Variants in PABPC4L observed in about 807,000 individuals in gnomAD.
The protein encoded by PABPC4L is polyadenylate-binding protein 4-like.
For missense variants in PABPC4L, 452 were observed against 451.4 expected (o/e 1.00, Z -0.01); for synonymous variants, 169 against 164.1 (o/e 1.03, Z -0.23).
At chr4:134,182,604 A>T in the PABPC4L span, among the ~76,000 whole-genome samples, 1 of 152,082 alleles carries the variant, frequency 6.6e-6, no homozygotes, top group Admixed American at 6.6e-5. Flanking sequence ...GACAAATGGG[A>T]TGTAATTAAA....
chr4:134,037,258 T>A, the PABPC4L span, among the ~76,000 whole-genome samples: 2 of 152,212 alleles, frequency 1.3e-5, no homozygotes, highest in Admixed American at 1.3e-4. Context: ...TTCATGATAT[T>A]GACCCTTTAC....
chr4:134,064,827 A>G, the PABPC4L span, among the ~76,000 whole-genome samples: 1 of 151,872 alleles, frequency 6.6e-6, no homozygotes, highest in East Asian at 1.9e-4. Context: ...TTTAGCTCCC[A>G]CTTATAAGAG....
the PABPC4L span, among the ~76,000 whole-genome samples, chr4:134,097,711 G>A: frequency 5.9e-5 from 9 of 151,932 alleles, no homozygotes; most frequent in East Asian, 1.6e-3. Flanking sequence ...AACAAATCAC[G>A]ACTCGACTCT....
At chr4:134,172,275 G>A in the PABPC4L span, among the ~76,000 whole-genome samples, 1 of 152,006 alleles carries the variant, frequency 6.6e-6, no homozygotes, top group South Asian at 2.1e-4. Flanking sequence ...TATACTACAA[G>A]CCTATGGTAA....
chr4:134,103,084 T>C, the PABPC4L span, among the ~76,000 whole-genome samples: 1 of 151,544 alleles, frequency 6.6e-6, no homozygotes, highest in Non-Finnish European at 1.5e-5. Context: ...TTTGGCCAGG[T>C]GTGGGCCGAT....
At chr4:133,977,367 C>T in the PABPC4L span, among the ~76,000 whole-genome samples, 53,441 of 151,864 alleles carry the variant, frequency 0.35, 9,799 homozygotes, top group Admixed American at 0.47. Flanking sequence ...GCTTTCTTCT[C>T]TTTGCTTAGG....
chr4:134,188,871 T>C, the PABPC4L span, among the ~76,000 whole-genome samples: 1 of 152,092 alleles, frequency 6.6e-6, no homozygotes, highest in African/African-American at 2.4e-5. Flanking sequence ...CTTGTCATTA[T>C]TGTTTCAGGT....
chr4:134,175,178 C>A, the PABPC4L span, among the ~76,000 whole-genome samples: 1 of 151,932 alleles, frequency 6.6e-6, no homozygotes, highest in Non-Finnish European at 1.5e-5. Flanking sequence ...AATATAAGTA[C>A]CCGCGAAAAG....
chr4:133,959,636 A>G, the PABPC4L span, among the ~76,000 whole-genome samples: 2 of 152,232 alleles, frequency 1.3e-5, no homozygotes, highest in East Asian at 3.8e-4. Context: ...AAGACTAGGT[A>G]TTGTTATAAG....
At chr4:134,189,338 G>C in the PABPC4L span, among the ~76,000 whole-genome samples, 13 of 151,382 alleles carry the variant, frequency 8.6e-5, no homozygotes, top group Non-Finnish European at 1.9e-4. Context: ...TTGCCATTTA[G>C]TATATTTCAC....
chr4:134,183,444 G>A, the PABPC4L span, among the ~76,000 whole-genome samples: 1 of 151,332 alleles, frequency 6.6e-6, no homozygotes, highest in Non-Finnish European at 1.5e-5. Context: ...CAACAGACAC[G>A]GGGGCCTACT....
the PABPC4L span, among the ~76,000 whole-genome samples, chr4:134,154,787 T>G: frequency 6.6e-6 from 1 of 152,054 alleles, no homozygotes; most frequent in Non-Finnish European, 1.5e-5. Context: ...TTTTTTAAAT[T>G]TCTTAAGTTT....
the PABPC4L span, among the ~76,000 whole-genome samples, chr4:134,054,607 T>G: frequency 1.3e-5 from 2 of 152,004 alleles, no homozygotes; most frequent in Admixed American, 6.6e-5. Context: ...ACTTCAAAAA[T>G]GTTATATAAC....
At chr4:134,063,639 G>A in the PABPC4L span, among the ~76,000 whole-genome samples, 4 of 152,066 alleles carry the variant, frequency 2.6e-5, no homozygotes, top group African/African-American at 9.6e-5. Context: ...TAGTAAAAGT[G>A]TTCTTCGTAC....
chr4:133,987,563 C>T, the PABPC4L span, among the ~76,000 whole-genome samples: 2 of 152,144 alleles, frequency 1.3e-5, no homozygotes, highest in Admixed American at 6.5e-5. Flanking sequence ...AACATATCTA[C>T]AAACATACTA....
the PABPC4L span, among the ~76,000 whole-genome samples, chr4:134,101,210 A>G: frequency 6.6e-6 from 1 of 151,492 alleles, no homozygotes; most frequent in East Asian, 1.9e-4. Flanking sequence ...TTATCCAGAT[A>G]CAAAGATGGA....
the PABPC4L span, among the ~76,000 whole-genome samples, chr4:134,153,730 C>T: frequency 6.6e-6 from 1 of 151,074 alleles, no homozygotes; most frequent in African/African-American, 2.4e-5. Context: ...TCAAAGCAGC[C>T]TTGAACTCCT....
In PABPC4L at chr4:134,199,782, T is replaced by G; in HGVS notation, c.*125A>C. On this transcript the variant is annotated 3_prime_UTR_variant, in exon 2 of 2. Coordinates refer to ENST00000421491, the MANE Select transcript of PABPC4L (RefSeq NM_001114734.2). Reference sequence around the variant, plus strand: ...GCTTTGTATAAAAAACGTTTTATCATAAAGTTTACTAAACTAAGCACCCAT... The same window carrying G: ...GCTTTGTATAAAAAACGTTTTATCAGAAAGTTTACTAAACTAAGCACCCAT... The G allele has an allele frequency of 7.9e-7, 1 of 1,266,608 alleles. No homozygotes were observed. Among genetic ancestry groups the G allele is most frequent in the Non-Finnish European group, 1.1e-6 (1 of 946,092 alleles). The allele number at this position is 1,266,608 out of a possible 1,614,324, so 78.5% of individuals were successfully genotyped here. A position where few individuals can be genotyped will look rare whatever the true frequency, so the allele number is the denominator to read the frequency against.
At chr4:134,010,869 C>T in the PABPC4L span, among the ~76,000 whole-genome samples, 1 of 152,134 alleles carries the variant, frequency 6.6e-6, no homozygotes, top group Admixed American at 6.6e-5. Context: ...ATCACCCAAT[C>T]TCTGTCACAC....
Sources: gnomAD v4.1 joint callset for allele counts (sites outside exome capture counted in the v4.1 genomes callset) on GRCh38, gnomAD v4.1.1 for gene constraint, MANE v1.5 for transcripts, NCBI Gene and HGNC (gene_info 2026-07-23, HGNC 2026-07-21) for gene names.